MMP9: variants seen among roughly 807,000 people sequenced by gnomAD.
The protein encoded by MMP9 is matrix metallopeptidase 9.
In MMP9, 73 loss-of-function variants were observed where a neutral mutation model predicts 76.4. That is an observed-to-expected ratio of 0.96 (90% CI 0.79 to 1.16). The LOEUF (loss-of-function observed/expected upper bound fraction) is 1.16. Among genes scored for constraint, MMP9 ranks in the 50% most tolerant of loss-of-function variants. The pLI is 0.00. For missense variants in MMP9, 943 were observed against 973.0 expected (o/e 0.97, Z 0.41); for synonymous variants, 412 against 408.4 (o/e 1.01, Z -0.11).
In MMP9 at chr20:46,016,332, C is replaced by T. The variant is rs369032528; in HGVS notation, c.2088C>T (p.Tyr696=). 8.1e-6 allele frequency: 13 copies of T among 1,614,072 alleles called. No homozygotes were observed. Among genetic ancestry groups the T allele is most frequent in the Middle Eastern group, 1.6e-4 (1 of 6,082 alleles). ...SELNQVDQVG[Y]VTYDILQCPE... is the part of the protein sequence containing the mutation. The stretch of plus-strand genomic sequence containing the variant: ...TGAACCAGGTGGACCAAGTGGGCTA[C>T]GTGACCTATGACATCCTGCAGTGCC... The change falls in exon 13 of 13, where the codon TAC becomes TAT. Residue 696 remains tyrosine (Y), a synonymous_variant. Coordinates refer to ENST00000372330, the MANE Select transcript of MMP9 (RefSeq NM_004994.3).
In MMP9 at chr20:46,011,744, C is replaced by T. The variant is rs200477815; in HGVS notation, c.994C>T (p.Arg332Ter). Residue 332 changes from arginine to a stop codon, truncating the protein, a stop_gained, in exon 6 of 13, where the codon CGA becomes TGA. Transcript: ENST00000372330. LOFTEE classifies it high-confidence loss of function. Reference sequence around the variant, plus strand: ...CAAGCTCTTCGGCTTCTGCCCGACCCGAGGTACCTCCACCCTGTCTACCAG... The same window carrying T: ...CAAGCTCTTCGGCTTCTGCCCGACCTGAGGTACCTCCACCCTGTCTACCAG... Reference protein sequence around the residue: ...RDKLFGFCPTRADSTVMGGNS... With the variant: ...RDKLFGFCPT 1.2e-6 allele frequency: 2 copies of T among 1,610,724 alleles called. No homozygotes were observed. The highest frequency in any genetic ancestry group is 1.7e-6 in the Non-Finnish European group (2 of 1,179,700).
chr20:46,009,405 G>T (rs1201214097), intron 1 of MMP9, among the ~76,000 whole-genome samples: 1 of 152,100 alleles, frequency 6.6e-6, no homozygotes, highest in African/African-American at 2.4e-5. Context: ...GCATCCAGGG[G>T]TGAGAAGGAG....
In MMP9 at chr20:46,013,291, C is replaced by T; in HGVS notation, c.1367C>T (p.Thr456Ile). ...GAACCTGAGCCACGGCCTCCAACCA[C>T]CACCACACCGCAGCCCACGGCTCCC... Reference protein sequence around the residue: ...RPEPEPRPPTTTTPQPTAPPT... With the variant: ...RPEPEPRPPTITTPQPTAPPT... The change falls in exon 9 of 13, where the codon ACC becomes ATC. Residue 456 changes from threonine to isoleucine, a missense_variant. Physicochemically the swap from Thr to Ile is moderately conservative, Grantham distance 89. Transcript: ENST00000372330. This position sits in a 1 kb window ranked among gnomAD's most constrained non-coding sequence, Gnocchi z 4.5. 3.7e-6 allele frequency: 6 copies of T among 1,614,108 alleles called. No individual in the cohort carries two copies. The highest frequency in any genetic ancestry group is 5.1e-6 in the Non-Finnish European group (6 of 1,179,994).
chr20:46,011,404 G>A, intron 5 of MMP9, 88 bp downstream of exon 5: 1 of 1,576,126 alleles, frequency 6.3e-7, no homozygotes, highest in Non-Finnish European at 8.6e-7. Context: ...CTAGTGCTGT[G>A]TGGCCTGCAA....
At position 46,013,466 on chromosome 20, in the gene MMP9, T is replaced by C. The variant is rs1364504167; in HGVS notation, c.1542T>C (p.Asp514=). 1.2e-6 allele frequency: 2 copies of C among 1,614,114 alleles called. No homozygotes were observed. Among genetic ancestry groups the C allele is most frequent in the South Asian group, 2.2e-5 (2 of 91,076 alleles). Residue 514 remains aspartate (D), a synonymous_variant, in exon 9 of 13, where the codon GAT becomes GAC. Coordinates refer to ENST00000372330, the MANE Select transcript of MMP9 (RefSeq NM_004994.3). The surrounding 1 kb of genome is among the most constrained non-coding windows in gnomAD (Gnocchi z 4.5). ...CTGTGCCTTTGAGTCCGGTGGACGATGCCTGCAACGTGAACATCTTCGACG... is the reference window on the plus strand; with the variant it reads ...CTGTGCCTTTGAGTCCGGTGGACGACGCCTGCAACGTGAACATCTTCGACG... ...ATTVPLSPVD[D]ACNVNIFDAI...
chr20:46,010,821 G>A (rs1568846930), intron 3 of MMP9, 101 bp from the exon 4 acceptor site: 1 of 1,602,324 alleles, frequency 6.2e-7, no homozygotes, highest in Admixed American at 1.7e-5. Flanking sequence ...CGCGCAGGCG[G>A]GATTTCAGCC....
Position 46,016,544 on chromosome 20 carries a change from T to C in MMP9, c.*176T>C, listed in dbSNP as rs2084323838. On this transcript the variant is annotated 3_prime_UTR_variant, in exon 13 of 13. Transcript: ENST00000372330. ...TTTGTTGGAGTGTTTCTAATAAACT[T>C]GGATTCTCTAACCTTTAGAAGCAGA... 1 of 656,234 alleles carries C rather than the reference T, an allele frequency of 1.5e-6. No homozygotes were observed. The highest frequency in any genetic ancestry group is 2.8e-5 in the East Asian group (1 of 36,054). The allele number at this position is 656,234 out of a possible 1,614,324, so 40.7% of individuals were successfully genotyped here. A position where few individuals can be genotyped will look rare whatever the true frequency, so the allele number is the denominator to read the frequency against.
chr20:46,010,778 G>A (rs968015134), intron 3 of MMP9, 144 bp from the exon 4 acceptor site: 27 of 1,556,168 alleles, frequency 1.7e-5, no homozygotes, highest in Non-Finnish European at 2.3e-5. Flanking sequence ...GCCAGACAGT[G>A]CACAGGGCCA....
In MMP9 at chr20:46,013,875, G is replaced by A; in HGVS notation, c.1750+79G>A. 6.3e-7 allele frequency: 1 copy of A among 1,583,394 alleles called. No homozygotes were observed. ...GCTCAAGAGACCATCGATAACCCAC[G>A]AAACGTCTTGTGCGTTTTAGAAAAA... On this transcript the variant is annotated intron_variant, in intron 10 of 12. Transcript: ENST00000372330. The surrounding 1 kb of genome is among the most constrained non-coding windows in gnomAD (Gnocchi z 4.5).
At chr20:46,010,880 C>A (rs1318876673) in intron 3 of MMP9, 42 bp from the exon 4 acceptor site, 1 of 1,614,160 alleles carries the variant, frequency 6.2e-7, no homozygotes, top group African/African-American at 1.3e-5. Flanking sequence ...ATCTGCGCAG[C>A]AGTACTCGGC....
At chr20:46,015,228 T>C (rs548943335) in intron 12 of MMP9, among the ~76,000 whole-genome samples, 1 of 152,222 alleles carries the variant, frequency 6.6e-6, no homozygotes, top group South Asian at 2.1e-4. Context: ...CACTGGCTGC[T>C]CTTTGAACAG....
intron 2 of MMP9, 152 bp from the exon 3 acceptor site, chr20:46,010,331 A>AAAAAACAAAACAAAAC: frequency 1.3e-6 from 1 of 762,252 alleles, no homozygotes; most frequent in Admixed American, 2.8e-5. Context: ...CAAAAAAAAA[A>AAAAAACAAAACAAAAC]AAAAAAAAAA....
chr20:46,010,471 C>G lies in MMP9; in HGVS notation c.372-12C>G. On this transcript the variant is annotated splice_polypyrimidine_tract_variant and intron_variant, in intron 2 of 12. Transcript: ENST00000372330. ...CACTTCTGACCTCCTTCCTCTGGCTCTTACGCTACAGGATCCAAAACTACT... is the reference window on the plus strand; with the variant it reads ...CACTTCTGACCTCCTTCCTCTGGCTGTTACGCTACAGGATCCAAAACTACT... The G allele has an allele frequency of 6.2e-7, 1 of 1,613,976 alleles. No individual in the cohort carries two copies. Among genetic ancestry groups the G allele is most frequent in the Non-Finnish European group, 8.5e-7 (1 of 1,180,026 alleles).
Position 46,013,410 on chromosome 20 carries a change from C to T in MMP9, c.1486C>T (p.Pro496Ser). ...TCCCCCCTCAGCTGGCCCCACAGGT[C>T]CCCCCACTGCTGGCCCTTCTACGGC... is the stretch of plus-strand genomic sequence containing the variant. The part of the protein sequence containing the change: ...TGPPSAGPTG[P>S]PTAGPSTATT... The change falls in exon 9 of 13, where the codon CCC becomes TCC. Residue 496 changes from proline (P) to serine (S), a missense_variant. Transcript: ENST00000372330. This position sits in a 1 kb window ranked among gnomAD's most constrained non-coding sequence, Gnocchi z 4.5. 6 of 1,613,438 alleles carry T rather than the reference C, an allele frequency of 3.7e-6. No individual in the cohort carries two copies. The highest frequency in any genetic ancestry group is 5.1e-6 in the Non-Finnish European group (6 of 1,179,588).
At chr20:46,014,076 C>T (rs777202521) in intron 10 of MMP9, 48 bp from the exon 11 acceptor site, 2 of 1,533,258 alleles carry the variant, frequency 1.3e-6, no homozygotes, top group East Asian at 2.4e-5. Flanking sequence ...TCTAGGAGTA[C>T]GTGCTCCCTC....
At chr20:46,010,120 A>AG in intron 2 of MMP9, 22 bp downstream of exon 2, 2 of 1,070,360 alleles carry the variant, frequency 1.9e-6, no homozygotes, top group Non-Finnish European at 1.3e-6. Context: ...CCGTGGGGGC[A>AG]GCGGGGTGGG....
chr20:46,014,100 C>T (rs1358033175), intron 10 of MMP9, 24 bp from the exon 11 acceptor site: 1 of 1,534,270 alleles, frequency 6.5e-7, no homozygotes, highest in Non-Finnish European at 8.7e-7. Context: ...GCCCCCAAAC[C>T]GACGTGACCC....
chr20:46,013,204 G>A lies in MMP9; in HGVS notation c.1331-51G>A. The A allele has an allele frequency of 6.2e-7, 1 of 1,610,118 alleles. No homozygotes were observed. ...GCTTAGGGGAGCAGATGTTCTAGGGGTACAGAGGTATGCAGGAATAGGAAG... is the reference window on the plus strand; with the variant it reads ...GCTTAGGGGAGCAGATGTTCTAGGGATACAGAGGTATGCAGGAATAGGAAG... On this transcript the variant is annotated intron_variant, in intron 8 of 12. Transcript: ENST00000372330. This position sits in a 1 kb window ranked among gnomAD's most constrained non-coding sequence, Gnocchi z 4.5.
chr20:46,013,239 C>A lies in MMP9; in HGVS notation c.1331-16C>A. 6.2e-7 allele frequency: 1 copy of A among 1,614,004 alleles called. No homozygotes were observed. Among genetic ancestry groups the A allele is most frequent in the Non-Finnish European group, 8.5e-7 (1 of 1,179,952 alleles). On this transcript the variant is annotated splice_polypyrimidine_tract_variant and intron_variant, in intron 8 of 12. Transcript: ENST00000372330. This position sits in a 1 kb window ranked among gnomAD's most constrained non-coding sequence, Gnocchi z 4.5. ...ATGCAGGAATAGGAAGAGTCTCACC[C>A]CGTGTCTCTTTTTAGGTCCTCGCCC...
Sources: gnomAD v4.1 joint callset for allele counts (sites outside exome capture counted in the v4.1 genomes callset) on GRCh38, gnomAD v4.1.1 for gene constraint, Gnocchi (gnomAD v3.1) non-coding constraint, MANE v1.5 for transcripts, NCBI Gene and HGNC (gene_info 2026-07-23, HGNC 2026-07-21) for gene names.